VCP: variants seen among roughly 807,000 people sequenced by gnomAD.
The protein encoded by VCP is valosin containing protein, also known as transitional endoplasmic reticulum ATPase.
VCP carries 6 observed loss-of-function variants against 85.7 expected under a neutral mutation model. The ratio of observed to expected loss-of-function variants is 0.07; its 90% confidence interval spans 0.04 to 0.14. VCP has a LOEUF of 0.14. Among genes scored for constraint, VCP ranks in the 10% least tolerant of loss-of-function variants. The pLI is 1.00. For missense variants in VCP, 353 were observed against 1,043.4 expected (o/e 0.34, Z 9.12); for synonymous variants, 384 against 367.1 (o/e 1.05, Z -0.53).
At position 35,072,454 on chromosome 9, in the gene VCP, G is replaced by A; in HGVS notation, c.-101C>T. ...GGCCGGGGCTCGGCTCTTCCAGGCG[G>A]TGGGCGAGCAGCGGCGACAAACCCG... On this transcript the variant is annotated 5_prime_UTR_variant, in exon 1 of 17. Transcript: ENST00000358901. 2 of 1,351,632 alleles carry A rather than the reference G, an allele frequency of 1.5e-6. No individual in the cohort carries two copies. The allele number at this position is 1,351,632 out of a possible 1,614,324, so 83.7% of individuals were successfully genotyped here. A position where few individuals can be genotyped will look rare whatever the true frequency, so the allele number is the denominator to read the frequency against.
chr9:35,060,276 G>A, intron 13 of VCP, 37 bp downstream of exon 13: 1 of 1,609,708 alleles, frequency 6.2e-7, no homozygotes, highest in Non-Finnish European at 8.5e-7. Context: ...CTTGCCCTCA[G>A]GCAAATCAAT....
At chr9:35,069,420 C>T (rs1828894938) in intron 1 of VCP, among the ~76,000 whole-genome samples, 1 of 147,602 alleles carries the variant, frequency 6.8e-6, no homozygotes, top group African/African-American at 2.5e-5. Context: ...CTGTCACTTA[C>T]TAGACTCAGC....
intron 6 of VCP, 113 bp from the exon 7 acceptor site, chr9:35,063,193 G>A: frequency 1.1e-6 from 1 of 898,318 alleles, no homozygotes; most frequent in Non-Finnish European, 1.8e-6. Context: ...ACAATATTAA[G>A]AATAAGCCCT....
At chr9:35,061,782 G>T in intron 9 of VCP, 93 bp from the exon 10 acceptor site, 1 of 1,381,330 alleles carries the variant, frequency 7.2e-7, no homozygotes, top group Non-Finnish European at 1.0e-6. Context: ...GCCAGCACAG[G>T]ATTGTCCTAA....
At chr9:35,061,834 G>A in intron 9 of VCP, 145 bp from the exon 10 acceptor site, 1 of 1,439,744 alleles carries the variant, frequency 6.9e-7, no homozygotes, top group Non-Finnish European at 9.7e-7. Flanking sequence ...AAACCTTTCA[G>A]TCTCAGGAAA....
At chr9:35,058,732 A>G (rs531647720) in intron 15 of VCP, among the ~76,000 whole-genome samples, 4 of 152,262 alleles carry the variant, frequency 2.6e-5, no homozygotes, top group Non-Finnish European at 5.9e-5. Context: ...GTGCCACTGC[A>G]CTCCAGTCTG....
intron 15 of VCP, among the ~76,000 whole-genome samples, chr9:35,058,355 T>C (rs943395675): frequency 6.6e-6 from 1 of 152,220 alleles, no homozygotes; most frequent in Non-Finnish European, 1.5e-5. Context: ...ACAAGTGAGA[T>C]GACAGAGATC....
intron 6 of VCP, 93 bp downstream of exon 6, chr9:35,064,061 G>A: frequency 1.3e-6 from 2 of 1,590,812 alleles, no homozygotes; most frequent in Non-Finnish European, 1.7e-6. Flanking sequence ...AATAATGAAA[G>A]CCATGCATGA....
Position 35,072,437 on chromosome 9 carries a change from C to A in VCP, c.-84G>T. On this transcript the variant is annotated 5_prime_UTR_variant, in exon 1 of 17. Transcript: ENST00000358901. ...TGGCAAGCGACCGACTGGGCCGGGG[C>A]TCGGCTCTTCCAGGCGGTGGGCGAG... is the stretch of plus-strand genomic sequence containing the variant. 7.1e-7 allele frequency: 1 copy of A among 1,402,860 alleles called. No individual in the cohort carries two copies. Among genetic ancestry groups the A allele is most frequent in the Non-Finnish European group, 9.3e-7 (1 of 1,080,410 alleles). 86.9% of individuals were successfully genotyped at this position (1,402,860 alleles called of 1,614,324 possible). A position where few individuals can be genotyped will look rare whatever the true frequency, so the allele number is the denominator to read the frequency against.
intron 11 of VCP, 40 bp from the exon 12 acceptor site, chr9:35,060,963 G>A: frequency 6.2e-7 from 1 of 1,614,186 alleles, no homozygotes. Flanking sequence ...ACTTATCAAG[G>A]GAGGGGTCAA....
chr9:35,062,712 C>T (rs570699051), intron 7 of VCP, among the ~76,000 whole-genome samples: 1 of 152,314 alleles, frequency 6.6e-6, no homozygotes, highest in East Asian at 1.9e-4. Flanking sequence ...AATCACTAAC[C>T]ATTCACCCTT....
In VCP at chr9:35,068,025, T is replaced by C. The variant is rs1373925196; in HGVS notation, c.168A>G (p.Thr56=). 6.2e-7 allele frequency: 1 copy of C among 1,614,248 alleles called. No homozygotes were observed. The highest frequency in any genetic ancestry group is 1.1e-5 in the South Asian group (1 of 91,088). Reference sequence around the variant, plus strand: ...GTCTCTTCTTTCCTTTCAGCAACACTGTGTCACCTCGGAACAACTGCAATT... The same window carrying C: ...GTCTCTTCTTTCCTTTCAGCAACACCGTGTCACCTCGGAACAACTGCAATT... ...MDELQLFRGD[T]VLLKGKKRRE... Residue 56 remains threonine (T), a synonymous_variant, in exon 3 of 17, where the codon ACA becomes ACG. Coordinates refer to ENST00000358901, the MANE Select transcript of VCP (RefSeq NM_007126.5).
At chr9:35,064,392 A>G in intron 5 of VCP, 107 bp from the exon 6 acceptor site, 1 of 1,470,654 alleles carries the variant, frequency 6.8e-7, no homozygotes, top group Non-Finnish European at 9.3e-7. Context: ...CCTACCGTAT[A>G]AGAAGATTCT....
Position 35,063,094 on chromosome 9 carries a change from C to T in VCP, c.709-14G>A, listed in dbSNP as rs1828758744. 6.2e-7 allele frequency: 1 copy of T among 1,613,578 alleles called. No homozygotes were observed. The highest frequency in any genetic ancestry group is 1.1e-5 in the South Asian group (1 of 91,076). On this transcript the variant is annotated splice_polypyrimidine_tract_variant and intron_variant, in intron 6 of 16. Coordinates refer to ENST00000358901, the MANE Select transcript of VCP (RefSeq NM_007126.5). Reference sequence around the variant, plus strand: ...TCCTCTAGGAGGCTGTGGACCAATGCAGAGTGTGATTAGGTTCCCACCTTC... The same window carrying T: ...TCCTCTAGGAGGCTGTGGACCAATGTAGAGTGTGATTAGGTTCCCACCTTC...
At chr9:35,057,586 T>C (rs990213936) in intron 15 of VCP, 56 bp from the exon 16 acceptor site, 11 of 1,595,866 alleles carry the variant, frequency 6.9e-6, no homozygotes, top group South Asian at 2.2e-5. Flanking sequence ...CTGGATTTCA[T>C]CCCAGGCCTC....
chr9:35,058,733 C>G (rs1828661208), intron 15 of VCP, among the ~76,000 whole-genome samples: 1 of 152,144 alleles, frequency 6.6e-6, no homozygotes, highest in East Asian at 1.9e-4. Context: ...TGCCACTGCA[C>G]TCCAGTCTGG....
chr9:35,070,479 GCT>G (rs1828918563), intron 1 of VCP, among the ~76,000 whole-genome samples: 2 of 152,150 alleles, frequency 1.3e-5, no homozygotes, highest in South Asian at 4.1e-4. Flanking sequence ...TGTTGCCCAG[GCT>G]GGAGTGCAGT....
chr9:35,063,049 G>A lies in VCP; in HGVS notation c.740C>T (p.Pro247Leu). The change falls in exon 7 of 17, where the codon CCT (proline) becomes CTT (leucine). Residue 247 changes from proline to leucine, a missense_variant. Coordinates refer to ENST00000358901, the MANE Select transcript of VCP (RefSeq NM_007126.5). ...PPRGILLYGP[P>L]GTGKTLIARA... ...AGCAATCAGGGTCTTTCCTGTTCCA[G>A]GAGGTCCGTAAAGCAGGATTCCTCT... 6.2e-7 allele frequency: 1 copy of A among 1,614,082 alleles called. No individual in the cohort carries two copies. Among genetic ancestry groups the A allele is most frequent in the South Asian group, 1.1e-5 (1 of 91,078 alleles).
At position 35,066,821 on chromosome 9, in the gene VCP, A is replaced by G; in HGVS notation, c.303-4T>C. The G allele has an allele frequency of 6.2e-7, 1 of 1,614,076 alleles. No individual in the cohort carries two copies. Among genetic ancestry groups the G allele is most frequent in the Non-Finnish European group, 8.5e-7 (1 of 1,180,026 alleles). Reference sequence around the variant, plus strand: ...CACATCAGGGCATGGCTGGATGCTGAGGATGACAAGCAGACTCCATATTAC... The same window carrying G: ...CACATCAGGGCATGGCTGGATGCTGGGGATGACAAGCAGACTCCATATTAC... On this transcript the variant is annotated splice_polypyrimidine_tract_variant and splice_region_variant and intron_variant, in intron 3 of 16. Coordinates refer to ENST00000358901, the MANE Select transcript of VCP (RefSeq NM_007126.5).
Sources: gnomAD v4.1 joint callset for allele counts (sites outside exome capture counted in the v4.1 genomes callset) on GRCh38, gnomAD v4.1.1 for gene constraint, MANE v1.5 for transcripts, NCBI Gene and HGNC (gene_info 2026-07-23, HGNC 2026-07-21) for gene names.